KIAA0753: variants seen among roughly 807,000 people sequenced by gnomAD.
The protein encoded by KIAA0753 is KIAA0753.
KIAA0753 carries 114 observed loss-of-function variants against 116.9 expected under a neutral mutation model. The observed-to-expected ratio is 0.98, with a 90% confidence interval of 0.84 to 1.14. The LOEUF (loss-of-function observed/expected upper bound fraction) is 1.14, where lower values mean the gene tolerates loss of function less well. KIAA0753 is among the 50% of genes most tolerant of loss of function. The pLI, the probability that KIAA0753 is intolerant of heterozygous loss-of-function variation, is 0.00. For synonymous variants in KIAA0753, 405 were observed against 413.1 expected (o/e 0.98, Z 0.24); for missense variants, 1,156 against 1,172.4 (o/e 0.99, Z 0.20).
intron 14 of KIAA0753, among the ~76,000 whole-genome samples, chr17:6,597,521 G>A (rs3786057): frequency 0.031 from 4,659 of 152,234 alleles, 301 homozygotes; most frequent in East Asian, 0.22. Context: ...AACAGCATAT[G>A]GCACCTGCTT....
At chr17:6,614,109 A>G (rs894784641) in intron 7 of KIAA0753, among the ~76,000 whole-genome samples, 2 of 152,270 alleles carry the variant, frequency 1.3e-5, no homozygotes, top group African/African-American at 4.8e-5. Flanking sequence ...GATTGACTTC[A>G]CTAGAATCAA....
intron 18 of KIAA0753, among the ~76,000 whole-genome samples, chr17:6,589,416 C>T (rs1968819806): frequency 6.6e-6 from 1 of 152,184 alleles, no homozygotes; most frequent in Non-Finnish European, 1.5e-5. Flanking sequence ...GTTTAAGTCA[C>T]GCAGTCGATG....
At chr17:6,609,913 C>T in intron 9 of KIAA0753, 81 bp downstream of exon 9, 1 of 1,493,324 alleles carries the variant, frequency 6.7e-7, no homozygotes, top group Non-Finnish European at 9.1e-7. Context: ...TAATTTGCTC[C>T]TTATAAGCTA....
Position 6,608,351 on chromosome 17 carries a change from G to T in KIAA0753, c.1826C>A (p.Ala609Asp). ...TCTGAAAAATACCAGCACAAACCTG[G>T]CTGCTTCATGCTCAACAGCACCTGT... is the stretch of plus-strand genomic sequence containing the variant. The part of the protein sequence containing the change: ...HLTGAVEHEA[A>D]RLAWLDAETS... The change falls in exon 10 of 19, where the codon GCC becomes GAC. Residue 609 changes from alanine to aspartate, a missense_variant. Physicochemically the swap from Ala to Asp is moderately radical, Grantham distance 126. Transcript: ENST00000361413. 7.0e-7 allele frequency: 1 copy of T among 1,438,654 alleles called. No homozygotes were observed. Among genetic ancestry groups the T allele is most frequent in the Non-Finnish European group, 9.3e-7 (1 of 1,076,128 alleles). The allele number at this position is 1,438,654 out of a possible 1,614,324, so 89.1% of individuals were successfully genotyped here.
chr17:6,579,761 C>G lies in KIAA0753; in HGVS notation c.2890G>C (p.Glu964Gln). 1 of 1,612,912 alleles carries G rather than the reference C, an allele frequency of 6.2e-7. No individual in the cohort carries two copies. The highest frequency in any genetic ancestry group is 8.5e-7 in the Non-Finnish European group (1 of 1,179,212). Residue 964 changes from glutamate (E) to glutamine (Q), a missense_variant, in exon 19 of 19, where the codon GAG becomes CAG. By Grantham distance (29) the Glu-to-Gln change is conservative. Coordinates refer to ENST00000361413, the MANE Select transcript of KIAA0753 (RefSeq NM_014804.3). ...TCAGAGAGCCTTTATGTAGCAGCCT[C>G]TAAGAATTCTGAGGTGAACACAGCT... is the stretch of plus-strand genomic sequence containing the variant. ...AEAVFTSEFL[E>Q]AAT
intron 7 of KIAA0753, among the ~76,000 whole-genome samples, chr17:6,616,482 A>C (rs1970942756): frequency 6.6e-6 from 1 of 152,214 alleles, no homozygotes; most frequent in Admixed American, 6.5e-5. Context: ...ACAACAACTA[A>C]GTCAGTCACA....
chr17:6,628,187 C>T lies in KIAA0753; in HGVS notation c.648G>A (p.Leu216=). Residue 216 remains leucine, a synonymous_variant, in exon 3 of 19, where the codon CTG becomes CTA. Transcript: ENST00000361413. ...DHKNISEQKS[L]LEVQRLQKEL... is the part of the protein sequence containing the mutation. Reference sequence around the variant, plus strand: ...CTTTCTGGAGTCGCTGGACTTCTAGCAGGCTTTTCTGTTCACTTATGTTTT... The same window carrying T: ...CTTTCTGGAGTCGCTGGACTTCTAGTAGGCTTTTCTGTTCACTTATGTTTT... 2 of 1,614,202 alleles carry T rather than the reference C, an allele frequency of 1.2e-6. No homozygotes were observed. Among genetic ancestry groups the T allele is most frequent in the Non-Finnish European group, 1.7e-6 (2 of 1,180,036 alleles).
intron 10 of KIAA0753, 91 bp from the exon 11 acceptor site, chr17:6,607,361 C>A: frequency 1.0e-6 from 1 of 957,612 alleles, no homozygotes; most frequent in South Asian, 1.3e-5. Flanking sequence ...AGGACCACTG[C>A]AGAGCAGAGC....
Position 6,628,476 on chromosome 17 carries a change from T to C in KIAA0753, c.359A>G (p.His120Arg). The C allele has an allele frequency of 1.2e-6, 2 of 1,614,232 alleles. No individual in the cohort carries two copies. Among genetic ancestry groups the C allele is most frequent in the Non-Finnish European group, 1.7e-6 (2 of 1,180,048 alleles). Residue 120 changes from histidine to arginine, a missense_variant, in exon 3 of 19, where the codon CAT becomes CGT. Transcript: ENST00000361413. ...GCTTTGAGGCTGACTTCTGAGATGA[T>C]GTTCTTTTATATGTTTTTCAAATTG... ...RRQFEKHIKE[H>R]HLRSQPQSSQ...
intron 2 of KIAA0753, among the ~76,000 whole-genome samples, chr17:6,633,193 A>G (rs77770662): frequency 0.02 from 2,987 of 152,362 alleles, 95 homozygotes; most frequent in African/African-American, 0.068. Context: ...AGATAGTGAG[A>G]GAGAGAAGGA....
Position 6,612,008 on chromosome 17 carries a change from C to T in KIAA0753, c.1456G>A (p.Val486Met), listed in dbSNP as rs376555002. Residue 486 changes from valine to methionine, a missense_variant, in exon 8 of 19, where the codon GTG becomes ATG. By Grantham distance (21) the Val-to-Met change is conservative. Coordinates refer to ENST00000361413, the MANE Select transcript of KIAA0753 (RefSeq NM_014804.3). ...TTTTTCCCTGCTTTTGTTTTTGCCA[C>T]GGCTAACACCTCGTCTTTGAAGCTT... ...SASFKDEVLA[V>M]AKTKAGKKKP... The T allele has an allele frequency of 2.0e-5, 33 of 1,614,208 alleles. No homozygotes were observed. The highest frequency in any genetic ancestry group is 4.4e-5 in the South Asian group (4 of 91,086).
At chr17:6,637,180 T>C (rs1226900167) in intron 1 of KIAA0753, 1 of 152,412 alleles carries the variant, frequency 6.6e-6, no homozygotes, top group African/African-American at 2.4e-5. Context: ...GACACCCACG[T>C]CCGCTTCTGC....
chr17:6,622,834 G>T, intron 6 of KIAA0753, 48 bp downstream of exon 6: 1 of 1,475,324 alleles, frequency 6.8e-7, no homozygotes, highest in Non-Finnish European at 9.5e-7. Flanking sequence ...GTAATAGTAA[G>T]CATTACTTCC....
rs74522671 is a variant in KIAA0753, at chr17:6,594,156, A to T, written c.2440+816T>A. ...ACATGAATATATTCATAGCAGATTT[A>T]TTCCTAATAGCCCAAAATTTAGGAG... is the stretch of plus-strand genomic sequence containing the variant. On this transcript the variant is annotated intron_variant, in intron 16 of 18. Transcript: ENST00000361413. 3.0e-3 allele frequency among the ~76,000 whole-genome samples: 462 copies of T among 152,298 alleles called. 4 individuals carry two copies. The highest frequency in any genetic ancestry group is 0.011 in the African/African-American group (448 of 41,562).
chr17:6,613,736 G>C (rs1438122234), intron 7 of KIAA0753, among the ~76,000 whole-genome samples: 1 of 151,922 alleles, frequency 6.6e-6, no homozygotes, highest in African/African-American at 2.4e-5. Context: ...AGTTTAAATG[G>C]AATGAAGGCC....
intron 2 of KIAA0753, among the ~76,000 whole-genome samples, chr17:6,629,228 T>C (rs986313764): frequency 2.6e-5 from 4 of 152,256 alleles, no homozygotes; most frequent in Non-Finnish European, 5.9e-5. Context: ...CCCCTAAGTG[T>C]ATCTCACTTG....
chr17:6,601,503 T>A (rs1392947392), intron 12 of KIAA0753, among the ~76,000 whole-genome samples: 1 of 152,242 alleles, frequency 6.6e-6, no homozygotes, highest in Non-Finnish European at 1.5e-5. Context: ...CTGGGCAGTC[T>A]GACCCAGGCC....
intron 16 of KIAA0753, among the ~76,000 whole-genome samples, chr17:6,591,959 A>G (rs1255153534): frequency 6.6e-6 from 1 of 152,252 alleles, no homozygotes; most frequent in East Asian, 1.9e-4. Context: ...ACCTTCACAA[A>G]TACCTCGAAC....
intron 8 of KIAA0753, among the ~76,000 whole-genome samples, chr17:6,610,462 A>T (rs932549020): frequency 6.6e-6 from 1 of 151,360 alleles, no homozygotes; most frequent in Non-Finnish European, 1.5e-5. Context: ...CTAATTAAAC[A>T]AAAAAAATTT....
Sources: allele counts gnomAD v4.1 joint callset (sites outside exome capture counted in the v4.1 genomes callset), GRCh38; gene constraint gnomAD v4.1.1; transcripts MANE v1.5; gene names NCBI Gene and HGNC (gene_info 2026-07-23, HGNC 2026-07-21).